The following NUP205 variants were observed in gnomAD, a reference collection of about 807,000 sequenced individuals.
NUP205 encodes the protein nuclear pore complex protein Nup205.
Under a neutral mutation model 253.8 loss-of-function variants are expected in NUP205, and 76 were observed. The ratio of observed to expected loss-of-function variants is 0.30; its 90% CI spans 0.25 to 0.36. NUP205 has a LOEUF of 0.36. NUP205 is among the 10% of genes least tolerant of loss of function. NUP205 has a pLI of 1.00. For missense variants in NUP205, 2,162 were observed against 2,425.5 expected (o/e 0.89, Z 2.28); for synonymous variants, 832 against 850.1 (o/e 0.98, Z 0.37).
intron 22 of NUP205, among the ~76,000 whole-genome samples, chr7:135,611,579 T>A (rs1794239222): frequency 6.6e-6 from 1 of 152,244 alleles, no homozygotes; most frequent in Admixed American, 6.5e-5. Flanking sequence ...AAATTTTGTG[T>A]CTTTTTTACT....
chr7:135,599,530 T>C (rs532549360), intron 15 of NUP205, among the ~76,000 whole-genome samples: 22 of 152,328 alleles, frequency 1.4e-4, no homozygotes, highest in African/African-American at 5.1e-4. Context: ...TAATGAGTGC[T>C]GATAATTACA....
At chr7:135,562,770 C>T (rs781418278) in intron 1 of NUP205, among the ~76,000 whole-genome samples, 7 of 152,084 alleles carry the variant, frequency 4.6e-5, no homozygotes, top group Non-Finnish European at 7.4e-5. Context: ...TGGTCTTGAT[C>T]TCCTGACCTC....
chr7:135,594,831 A>G, intron 13 of NUP205, 102 bp downstream of exon 13: 1 of 858,416 alleles, frequency 1.2e-6, no homozygotes, highest in Non-Finnish European at 1.8e-6. Context: ...ATAGTATATC[A>G]TGAACATCCC....
intron 34 of NUP205, among the ~76,000 whole-genome samples, chr7:135,629,753 C>G (rs1794671686): frequency 6.6e-6 from 1 of 152,068 alleles, no homozygotes; most frequent in African/African-American, 2.4e-5. Flanking sequence ...TCTCAAACTC[C>G]TGACCTCAGG....
intron 7 of NUP205, among the ~76,000 whole-genome samples, chr7:135,583,673 T>G (rs1475607742): frequency 6.6e-6 from 1 of 151,880 alleles, no homozygotes; most frequent in African/African-American, 2.4e-5. Flanking sequence ...GGCCTGAGAA[T>G]TGCTTGAACT....
rs139946544 is a variant in NUP205, at chr7:135,593,094, A to G, written c.1732A>G (p.Ser578Gly). The change falls in exon 12 of 43, where the codon AGT becomes GGT. Residue 578 changes from serine (S) to glycine (G), a missense_variant. This residue lies in a region of NUP205 where 892 missense variants were observed against 957.1 expected (regional missense o/e 0.93). Coordinates refer to ENST00000285968, the MANE Select transcript of NUP205 (RefSeq NM_015135.3). The part of the protein sequence containing the change: ...HLRKDLPSAD[S>G]VQYRHLPSRG... ...TCGGAAGGATCTTCCAAGTGCAGAT[A>G]GTGTCCAGTACCGTCACCTTCCTTC... The G allele has an allele frequency of 5.0e-6, 8 of 1,614,000 alleles. No homozygotes were observed. In the African/African-American group the frequency reaches 9.3e-5, roughly 19 times the overall value.
At chr7:135,626,400 TAAAGGA>T in intron 33 of NUP205, 39 bp downstream of exon 33, 1 of 1,586,120 alleles carries the variant, frequency 6.3e-7, no homozygotes, top group Non-Finnish European at 8.6e-7. Context: ...AAACTCCCAG[TAAAGGA>T]TTATTAAGGG....
In NUP205 at chr7:135,601,504, C is replaced by G; in HGVS notation, c.2509C>G (p.Pro837Ala). Residue 837 changes from proline to alanine, a missense_variant, in exon 17 of 43, where the codon CCT becomes GCT. Coordinates refer to ENST00000285968, the MANE Select transcript of NUP205 (RefSeq NM_015135.3). ...GCAGCTTGACACCTATGCCCCCTTT[C>G]CTGGTATATGCTTAAAAGCCTTCAT... Reference protein sequence around the residue: ...VKQLDTYAPFPGKKHLEKAVQ... With the variant: ...VKQLDTYAPFAGKKHLEKAVQ... 1 of 1,612,492 alleles carries G rather than the reference C, an allele frequency of 6.2e-7. No homozygotes were observed. The highest frequency in any genetic ancestry group is 8.5e-7 in the Non-Finnish European group (1 of 1,179,472).
chr7:135,591,099 G>T (rs907176537), intron 10 of NUP205, among the ~76,000 whole-genome samples: 8 of 152,042 alleles, frequency 5.3e-5, no homozygotes, highest in African/African-American at 1.9e-4. Flanking sequence ...ATTTGGCTGG[G>T]ATATAGGAAC....
rs759943063 is a variant in NUP205, at chr7:135,593,206, C to T, written c.1830+14C>T. On this transcript the variant is annotated intron_variant, in intron 12 of 42. Coordinates refer to ENST00000285968, the MANE Select transcript of NUP205 (RefSeq NM_015135.3). ...ATCATTACTTGGGTAGGTAACTCAT[C>T]CCCAGCATAATTTTATTTTTATTAT... 7.5e-6 allele frequency: 12 copies of T among 1,607,658 alleles called. No individual in the cohort carries two copies. In the South Asian group the frequency reaches 1.3e-4, roughly 18 times the overall value.
intron 2 of NUP205, among the ~76,000 whole-genome samples, chr7:135,571,829 C>T (rs1159167875): frequency 6.6e-6 from 1 of 152,176 alleles, no homozygotes; most frequent in East Asian, 1.9e-4. Flanking sequence ...GTAACAAAAA[C>T]ATGTCACCTG....
At chr7:135,576,540 C>A in intron 4 of NUP205, 126 bp downstream of exon 4, 1 of 763,508 alleles carries the variant, frequency 1.3e-6, no homozygotes, top group Non-Finnish European at 2.1e-6. Context: ...CCTTATTCTG[C>A]CAAGACAGAT....
intron 15 of NUP205, 40 bp downstream of exon 15, chr7:135,598,247 A>C: frequency 6.5e-7 from 1 of 1,537,702 alleles, no homozygotes; most frequent in Non-Finnish European, 8.9e-7. Flanking sequence ...TTATGCATTT[A>C]CTGCTTTTTC....
intron 25 of NUP205, 100 bp downstream of exon 25, chr7:135,616,826 C>A: frequency 2.8e-6 from 2 of 721,250 alleles, no homozygotes; most frequent in Non-Finnish European, 4.1e-6. Flanking sequence ...AAACTCTGAA[C>A]TGGTATAGAA....
intron 41 of NUP205, chr7:135,645,929 A>G (rs1331817874): frequency 3.4e-6 from 2 of 585,232 alleles, no homozygotes; most frequent in Non-Finnish European, 6.0e-6. Flanking sequence ...TGATGGCCAT[A>G]TATTGGATCC....
At position 135,630,243 on chromosome 7, in the gene NUP205, G is replaced by T; in HGVS notation, c.4933-101G>T. 3 of 852,628 alleles carry T rather than the reference G, an allele frequency of 3.5e-6. No homozygotes were observed. The South Asian group carries it at 6.4e-5, about 18-fold the overall frequency. The allele number at this position is 852,628 out of a possible 1,614,324, so 52.8% of individuals were successfully genotyped here. On this transcript the variant is annotated intron_variant, in intron 34 of 42. Transcript: ENST00000285968. The stretch of plus-strand genomic sequence containing the variant: ...ACTGAGTATTATGGTAAAGTTGAAG[G>T]TTACTTCCTTCAACATTATTTATAA...
intron 8 of NUP205, among the ~76,000 whole-genome samples, chr7:135,586,703 T>G (rs1281064055): frequency 1.3e-5 from 2 of 152,212 alleles, no homozygotes; most frequent in Non-Finnish European, 2.9e-5. Flanking sequence ...AGTGTGTTGT[T>G]TAATTTCCAG....
At chr7:135,627,179 C>T (rs1229316418) in intron 33 of NUP205, among the ~76,000 whole-genome samples, 1 of 152,044 alleles carries the variant, frequency 6.6e-6, no homozygotes, top group East Asian at 1.9e-4. Flanking sequence ...TTTCGTTCCC[C>T]CTCAATAGGC....
chr7:135,600,753 A>G (rs1017057724), intron 15 of NUP205, 117 bp from the exon 16 acceptor site: 16 of 534,648 alleles, frequency 3.0e-5, no homozygotes, highest in Non-Finnish European at 5.0e-5. Flanking sequence ...AAGTGAATAA[A>G]GTGGACAAGA....
Sources: gnomAD v4.1 joint callset for allele counts (sites outside exome capture counted in the v4.1 genomes callset) on GRCh38, gnomAD v4.1.1 for gene constraint, gnomAD v4.1.1 regional missense constraint, MANE v1.5 for transcripts, NCBI Gene and HGNC (gene_info 2026-07-23, HGNC 2026-07-21) for gene names.